The following DNM3 variants were observed in gnomAD, a reference collection of about 807,000 sequenced individuals.
DNM3 encodes the protein dynamin-3.
Under a neutral mutation model 101.6 loss-of-function variants are expected in DNM3, and 47 were observed. The ratio of observed to expected loss-of-function variants is 0.46; its 90% CI spans 0.37 to 0.59. The LOEUF is 0.59. DNM3 is among the 20% of genes least tolerant of loss of function. DNM3 has a pLI of 0.00. For synonymous variants in DNM3, 385 were observed against 387.9 expected (o/e 0.99, Z 0.09); for missense variants, 849 against 1,085.7 (o/e 0.78, Z 3.06).
intron 15 of DNM3, among the ~76,000 whole-genome samples, chr1:172,304,206 C>CAAAAAAAG (rs1553227967): frequency 2.7e-5 from 1 of 36,392 alleles, no homozygotes; most frequent in African/African-American, 2.1e-4. Flanking sequence ...AAAAGGAAAG[C>CAAAAAAAG]AAAAAAAAAA....
intron 14 of DNM3, among the ~76,000 whole-genome samples, chr1:172,192,601 C>T (rs2059775426): frequency 6.8e-6 from 1 of 147,150 alleles, no homozygotes; most frequent in Admixed American, 7.0e-5. Flanking sequence ...TGTTCAATTC[C>T]CACCTATGAG....
chr1:172,229,781 C>A (rs1186892910), intron 14 of DNM3, among the ~76,000 whole-genome samples: 1 of 151,994 alleles, frequency 6.6e-6, no homozygotes, highest in Admixed American at 6.6e-5. Flanking sequence ...TACATGTGTG[C>A]TTCTTGGGGT....
At chr1:172,033,401 T>G in intron 6 of DNM3, 136 bp downstream of exon 6, 1 of 973,148 alleles carries the variant, frequency 1.0e-6, no homozygotes, top group Non-Finnish European at 1.5e-6. Context: ...ATTTTAAAAA[T>G]GAATATTAGT....
At chr1:172,144,210 C>T (rs531692036) in intron 14 of DNM3, among the ~76,000 whole-genome samples, 3 of 151,378 alleles carry the variant, frequency 2.0e-5, no homozygotes, top group South Asian at 2.1e-4. Flanking sequence ...AACAGTAAAT[C>T]GCTATATACC....
chr1:172,364,690 G>A (rs1465653456), intron 17 of DNM3, among the ~76,000 whole-genome samples: 3 of 151,864 alleles, frequency 2.0e-5, no homozygotes, highest in African/African-American at 7.3e-5. Flanking sequence ...AATGTAGGAG[G>A]TGGGGCCTGG....
At chr1:172,043,051 AG>A (rs2049505179) in intron 8 of DNM3, among the ~76,000 whole-genome samples, 1 of 152,136 alleles carries the variant, frequency 6.6e-6, no homozygotes. Context: ...ACACAGGCCC[AG>A]GGTCTTGGAA....
intron 1 of DNM3, among the ~76,000 whole-genome samples, chr1:171,853,682 G>A (rs2033246572): frequency 6.6e-6 from 1 of 151,714 alleles, no homozygotes; most frequent in Non-Finnish European, 1.5e-5. Flanking sequence ...TTCTCATTCT[G>A]ACCATCAGAG....
At chr1:172,063,839 T>C (rs763948990) in intron 10 of DNM3, among the ~76,000 whole-genome samples, 6 of 152,118 alleles carry the variant, frequency 3.9e-5, no homozygotes, top group Non-Finnish European at 7.4e-5. Flanking sequence ...TAGAACTAAT[T>C]TGCTGTATAA....
chr1:171,951,580 C>G (rs2042530254), intron 2 of DNM3, among the ~76,000 whole-genome samples: 1 of 152,082 alleles, frequency 6.6e-6, no homozygotes, highest in Non-Finnish European at 1.5e-5. Context: ...ATGTTGTATT[C>G]TAAACACCTC....
chr1:171,842,909 T>C (rs915426377), intron 1 of DNM3, among the ~76,000 whole-genome samples: 2 of 152,244 alleles, frequency 1.3e-5, no homozygotes, highest in Admixed American at 1.3e-4. Context: ...CTGAAATCTG[T>C]TTCCTAGTAA....
intron 20 of DNM3, among the ~76,000 whole-genome samples, chr1:172,390,431 G>A (rs1336433128): frequency 2.0e-5 from 3 of 152,190 alleles, no homozygotes; most frequent in Admixed American, 6.5e-5. Context: ...CATGACCCCA[G>A]GGTTTTTCAG....
rs929739159 is a variant in DNM3, at chr1:172,117,273, A to AT, written c.1546-13893dup. 1.1e-4 allele frequency among the ~76,000 whole-genome samples: 16 copies of AT among 150,484 alleles called. No individual in the cohort carries two copies. In the South Asian group the frequency reaches 1.7e-3, roughly 16 times the overall value. On this transcript the variant is annotated intron_variant, in intron 13 of 20. Coordinates refer to ENST00000627582, the MANE Select transcript of DNM3 (RefSeq NM_015569.5). ...TATTTTAGAATACCAGAATGGCGGC[A>AT]TTTTTTTTTAAAATGTGCATGGCTC...
chr1:172,286,202 G>C (rs1174044304), intron 15 of DNM3, among the ~76,000 whole-genome samples: 1 of 152,044 alleles, frequency 6.6e-6, no homozygotes, highest in East Asian at 1.9e-4. Flanking sequence ...AATTTTTCCT[G>C]TCATGTGAAA....
At chr1:172,303,438 C>T (rs1471487750) in intron 15 of DNM3, among the ~76,000 whole-genome samples, 1 of 152,146 alleles carries the variant, frequency 6.6e-6, no homozygotes, top group Non-Finnish European at 1.5e-5. Flanking sequence ...GAGAATGGAA[C>T]CAGGTTGGAA....
intron 2 of DNM3, among the ~76,000 whole-genome samples, chr1:171,932,885 A>G (rs915015179): frequency 1.2e-4 from 18 of 152,208 alleles, no homozygotes; most frequent in Non-Finnish European, 2.9e-5. Context: ...TTTGGTGAGT[A>G]TAGACATGGG....
chr1:172,321,191 A>C (rs1362570643), intron 16 of DNM3, among the ~76,000 whole-genome samples: 2 of 152,340 alleles, frequency 1.3e-5, no homozygotes, highest in African/African-American at 2.4e-5. Context: ...GTCAAATAAC[A>C]GGAGAAAAAG....
At chr1:172,215,263 A>G (rs1231984353) in intron 14 of DNM3, among the ~76,000 whole-genome samples, 1 of 152,094 alleles carries the variant, frequency 6.6e-6, no homozygotes, top group Non-Finnish European at 1.5e-5. Context: ...TCTGGAACAT[A>G]TAAAATAACA....
chr1:171,898,883 TAAC>T (rs2038053925), intron 1 of DNM3, among the ~76,000 whole-genome samples: 2 of 152,196 alleles, frequency 1.3e-5, no homozygotes, highest in African/African-American at 4.8e-5. Context: ...TTATTTCTGA[TAAC>T]AATTTCATTT....
chr1:172,362,628 C>A (rs1346497969), intron 17 of DNM3, among the ~76,000 whole-genome samples: 1 of 151,942 alleles, frequency 6.6e-6, no homozygotes, highest in Non-Finnish European at 1.5e-5. Context: ...AAAGAAACAT[C>A]TTTGACCCAA....
Sources: gnomAD v4.1 joint callset for allele counts (sites outside exome capture counted in the v4.1 genomes callset) on GRCh38, gnomAD v4.1.1 for gene constraint, MANE v1.5 for transcripts, NCBI Gene and HGNC (gene_info 2026-07-23, HGNC 2026-07-21) for gene names.